Variants in WWOX observed in about 807,000 individuals in gnomAD.
WWOX encodes the protein WW domain-containing oxidoreductase.
In WWOX, 69 loss-of-function variants were observed where a neutral mutation model predicts 46.2. That is an observed-to-expected ratio of 1.49 (90% confidence interval 1.23 to 1.82). WWOX has a LOEUF of 1.82. Ranked by LOEUF, WWOX falls within the 40% of genes most tolerant of loss-of-function variation. The pLI, the probability that WWOX is intolerant of heterozygous loss-of-function variation, is 0.00. For missense variants in WWOX, 919 were observed against 542.6 expected (o/e 1.69, Z -6.89); for synonymous variants, 359 against 202.6 (o/e 1.77, Z -6.56).
In WWOX at chr16:78,432,558, T is replaced by G; in HGVS notation, c.862T>G (p.Trp288Gly). Residue 288 changes from tryptophan (W) to glycine (G), a missense_variant, in exon 8 of 9, where the codon TGG becomes GGG. Transcript: ENST00000566780. ...SRLSPTKNDY[W>G]AMLAYNRSKL... ...CCTCTCTCCAACAAAAAACGACTAT[T>G]GGGCGATGCTGGCTTATAACAGGTC... The G allele has an allele frequency of 3.1e-6, 5 of 1,614,166 alleles. No individual in the cohort carries two copies. The highest frequency in any genetic ancestry group is 4.2e-6 in the Non-Finnish European group (5 of 1,180,008).
chr16:78,744,834 A>ATC (rs770723519), intron 8 of WWOX, among the ~76,000 whole-genome samples: 2 of 151,234 alleles, frequency 1.3e-5, no homozygotes, highest in Non-Finnish European at 3.0e-5. Flanking sequence ...CTGAAGACCC[A>ATC]CATGGTGACT....
At chr16:78,795,156 C>A (rs1022074320) in intron 8 of WWOX, among the ~76,000 whole-genome samples, 2 of 152,074 alleles carry the variant, frequency 1.3e-5, no homozygotes, top group African/African-American at 2.4e-5. Context: ...GAATGTCTTA[C>A]ATTTATAGAG....
intron 8 of WWOX, among the ~76,000 whole-genome samples, chr16:78,869,059 C>G (rs2044069357): frequency 6.6e-6 from 1 of 152,162 alleles, no homozygotes; most frequent in African/African-American, 2.4e-5. Context: ...TCCTATCATT[C>G]AGAGATAACC....
chr16:78,892,715 A>G (rs1272865247), intron 8 of WWOX, among the ~76,000 whole-genome samples: 2 of 152,190 alleles, frequency 1.3e-5, no homozygotes, highest in Admixed American at 6.5e-5. Flanking sequence ...GGTGATTGTG[A>G]TACTATAGGA....
At chr16:79,100,930 A>T (rs2049179374) in intron 8 of WWOX, among the ~76,000 whole-genome samples, 1 of 151,784 alleles carries the variant, frequency 6.6e-6, no homozygotes, top group African/African-American at 2.4e-5. Flanking sequence ...GGTTTTCTCC[A>T]TAGGGGTTAG....
intron 8 of WWOX, among the ~76,000 whole-genome samples, chr16:78,573,680 A>G (rs1262774050): frequency 6.6e-6 from 1 of 152,194 alleles, no homozygotes; most frequent in Non-Finnish European, 1.5e-5. Context: ...AGACAGCCAT[A>G]AGATGGGTAG....
chr16:78,802,702 G>T (rs970251819), intron 8 of WWOX, among the ~76,000 whole-genome samples: 3 of 151,688 alleles, frequency 2.0e-5, no homozygotes, highest in African/African-American at 7.3e-5. Flanking sequence ...GATTACTTGA[G>T]GTCAGGAGTT....
At chr16:78,600,492 G>T (rs529291310) in intron 8 of WWOX, among the ~76,000 whole-genome samples, 1 of 152,018 alleles carries the variant, frequency 6.6e-6, no homozygotes. Context: ...CCAACCCTCC[G>T]TGGGTTAAAG....
At chr16:79,191,514 C>G in intron 8 of WWOX, among the ~76,000 whole-genome samples, 1 of 152,320 alleles carries the variant, frequency 6.6e-6, no homozygotes, top group East Asian at 1.9e-4. Context: ...TCCTCTCCTG[C>G]TACTTTATAA....
At chr16:78,463,167 A>C (rs1329399475) in intron 8 of WWOX, among the ~76,000 whole-genome samples, 1 of 152,214 alleles carries the variant, frequency 6.6e-6, no homozygotes, top group East Asian at 1.9e-4. Context: ...GAAAACGCGA[A>C]AGAAAATAAA....
At chr16:78,722,293 A>G (rs539408105) in intron 8 of WWOX, among the ~76,000 whole-genome samples, 3 of 152,228 alleles carry the variant, frequency 2.0e-5, no homozygotes, top group Non-Finnish European at 4.4e-5. Context: ...AGTTTTCTCA[A>G]GTGACTTTGA....
chr16:78,909,523 G>A (rs532374737), intron 8 of WWOX, among the ~76,000 whole-genome samples: 2 of 152,280 alleles, frequency 1.3e-5, no homozygotes, highest in Middle Eastern at 3.4e-3. Flanking sequence ...TAGGTCCCAC[G>A]TGCCTTCTGG....
chr16:78,775,989 A>T (rs1308832954), intron 8 of WWOX, among the ~76,000 whole-genome samples: 1 of 152,170 alleles, frequency 6.6e-6, no homozygotes, highest in Non-Finnish European at 1.5e-5. Context: ...TAGGTTTCTC[A>T]TTTATTTATT....
At chr16:78,421,431 G>C (rs1347290788) in intron 6 of WWOX, among the ~76,000 whole-genome samples, 1 of 152,062 alleles carries the variant, frequency 6.6e-6, no homozygotes, top group Non-Finnish European at 1.5e-5. Context: ...GTTTTGTAAG[G>C]ATAGGCCTGT....
At chr16:78,750,312 G>C (rs2049445377) in intron 8 of WWOX, among the ~76,000 whole-genome samples, 1 of 152,078 alleles carries the variant, frequency 6.6e-6, no homozygotes, top group Admixed American at 6.5e-5. Flanking sequence ...AAATTTCATA[G>C]CTGTCTTGCC....
chr16:78,307,251 A>G (rs2080152190), intron 5 of WWOX, among the ~76,000 whole-genome samples: 1 of 152,194 alleles, frequency 6.6e-6, no homozygotes, highest in African/African-American at 2.4e-5. Flanking sequence ...CCAAGTGTCA[A>G]ATAAATGTTT....
intron 8 of WWOX, among the ~76,000 whole-genome samples, chr16:78,812,253 C>A (rs966019390): frequency 4.0e-4 from 61 of 152,148 alleles, no homozygotes; most frequent in African/African-American, 1.3e-3. Flanking sequence ...GGATAATGCC[C>A]CATTCTGTGA....
At chr16:78,807,354 G>T (rs933772492) in intron 8 of WWOX, among the ~76,000 whole-genome samples, 1 of 152,218 alleles carries the variant, frequency 6.6e-6, no homozygotes, top group African/African-American at 2.4e-5. Flanking sequence ...TCTAAAACAA[G>T]AGGACCAGAG....
At chr16:78,560,953 G>C (rs1384718957) in intron 8 of WWOX, among the ~76,000 whole-genome samples, 1 of 152,140 alleles carries the variant, frequency 6.6e-6, no homozygotes, top group African/African-American at 2.4e-5. Flanking sequence ...CTCTAGATCA[G>C]AAGCCTAGAC....
Sources: gnomAD v4.1 joint callset for allele counts (sites outside exome capture counted in the v4.1 genomes callset) on GRCh38, gnomAD v4.1.1 for gene constraint, MANE v1.5 for transcripts, NCBI Gene and HGNC (gene_info 2026-07-23, HGNC 2026-07-21) for gene names.